The following DYNC1I1 variants were observed in gnomAD, a reference collection of about 807,000 sequenced individuals.
DYNC1I1 encodes dynein cytoplasmic 1 intermediate chain 1, also known as cytoplasmic dynein 1 intermediate chain 1.
In DYNC1I1, 43 loss-of-function variants were observed where a neutral mutation model predicts 86.6. That is an observed-to-expected ratio of 0.50 (90% CI 0.39 to 0.64). DYNC1I1 has a LOEUF of 0.64. Among genes scored for constraint, DYNC1I1 ranks in the 30% least tolerant of loss-of-function variants. The pLI is 0.00. For missense variants in DYNC1I1, 604 were observed against 788.8 expected (o/e 0.77, Z 2.81); for synonymous variants, 262 against 283.7 (o/e 0.92, Z 0.77).
downstream of DYNC1I1, among the ~76,000 whole-genome samples, chr7:96,099,499 A>G (rs1791094687): frequency 6.6e-6 from 1 of 152,210 alleles, no homozygotes; most frequent in Non-Finnish European, 1.5e-5. Flanking sequence ...TGAGTGGCTT[A>G]AGCAACAGAA....
intron 9 of DYNC1I1, among the ~76,000 whole-genome samples, chr7:95,990,642 C>T (rs1793706615): frequency 6.6e-6 from 1 of 152,088 alleles, no homozygotes; most frequent in Admixed American, 6.6e-5. Flanking sequence ...AATTGCCTAA[C>T]TTCTCTTGGC....
At chr7:96,088,454 C>T (rs1790746952) in intron 16 of DYNC1I1, among the ~76,000 whole-genome samples, 1 of 152,110 alleles carries the variant, frequency 6.6e-6, no homozygotes, top group African/African-American at 2.4e-5. Flanking sequence ...AAACTGTCAT[C>T]TTCAATGGCA....
At chr7:95,781,085 T>C (rs1793981162) in intron 1 of DYNC1I1, among the ~76,000 whole-genome samples, 1 of 151,836 alleles carries the variant, frequency 6.6e-6, no homozygotes, top group Non-Finnish European at 1.5e-5. Flanking sequence ...TACAGCTGAT[T>C]TGGAAAGAGG....
At chr7:95,805,428 G>T (rs773325875) in intron 2 of DYNC1I1, among the ~76,000 whole-genome samples, 2 of 152,214 alleles carry the variant, frequency 1.3e-5, no homozygotes, top group Middle Eastern at 3.4e-3. Context: ...TAGAGAGAAG[G>T]TAAATAGGAT....
intron 6 of DYNC1I1, among the ~76,000 whole-genome samples, chr7:95,945,338 A>C (rs1022687450): frequency 6.6e-6 from 1 of 152,112 alleles, no homozygotes; most frequent in African/African-American, 2.4e-5. Context: ...TTTAATAATA[A>C]AGTCTTCTAA....
chr7:96,090,732 T>C (rs1251687549), intron 16 of DYNC1I1, among the ~76,000 whole-genome samples: 3 of 152,210 alleles, frequency 2.0e-5, no homozygotes, highest in Non-Finnish European at 4.4e-5. Context: ...TTTGTACCTA[T>C]TGACTGGTAA....
At chr7:95,935,717 G>A (rs79236758) in intron 6 of DYNC1I1, among the ~76,000 whole-genome samples, 5,709 of 151,938 alleles carry the variant, frequency 0.038, 278 homozygotes, top group African/African-American at 0.12. Flanking sequence ...AGTGGTTAAT[G>A]TCCAAAATAT....
intron 1 of DYNC1I1, among the ~76,000 whole-genome samples, chr7:95,784,550 C>T (rs1794078691): frequency 1.3e-5 from 2 of 152,160 alleles, no homozygotes; most frequent in African/African-American, 4.8e-5. Flanking sequence ...TGCTGCAGAG[C>T]TTGTGGGCTG....
chr7:95,984,815 C>G lies in DYNC1I1; in HGVS notation c.581C>G (p.Ala194Gly). The G allele has an allele frequency of 6.4e-7, 1 of 1,573,382 alleles. No individual in the cohort carries two copies. Among genetic ancestry groups the G allele is most frequent in the Non-Finnish European group, 8.6e-7 (1 of 1,166,694 alleles). Residue 194 changes from alanine to glycine, a missense_variant and splice_region_variant, in exon 8 of 17, where the codon GCC (alanine) becomes GGC (glycine). Coordinates refer to ENST00000447467, the MANE Select transcript of DYNC1I1 (RefSeq NM_001135556.2). ...TTTACAAAAAAATAAATAAATAAAG[C>G]CCCTCCAAGAGAGTTGACAGAGGAA... Reference protein sequence around the residue: ...NQDKKQEVKEAPPRELTEEEK... With the variant: ...NQDKKQEVKEGPPRELTEEEK...
At chr7:95,855,420 C>T (rs896885882) in intron 5 of DYNC1I1, among the ~76,000 whole-genome samples, 1 of 152,138 alleles carries the variant, frequency 6.6e-6, no homozygotes, top group Non-Finnish European at 1.5e-5. Context: ...CTTTGGGTAG[C>T]TTTGTTTGGA....
At chr7:96,025,787 A>C (rs1584259661) in intron 10 of DYNC1I1, among the ~76,000 whole-genome samples, 1 of 148,130 alleles carries the variant, frequency 6.8e-6, no homozygotes, top group Non-Finnish European at 1.5e-5. Context: ...TTATATAAAT[A>C]CCTCCACTGC....
chr7:96,098,212 A>G lies in DYNC1I1; in HGVS notation c.*619A>G. On this transcript the variant is annotated 3_prime_UTR_variant, in exon 17 of 17. Coordinates refer to ENST00000447467, the MANE Select transcript of DYNC1I1 (RefSeq NM_001135556.2). ...AGGTTATATTAAGTTCCACATAGCA[A>G]TTACAGTATGCCAGTTCCACTGAAG... 4.1e-6 allele frequency: 4 copies of G among 985,912 alleles called. No homozygotes were observed. Among genetic ancestry groups the G allele is most frequent in the Non-Finnish European group, 4.8e-6 (4 of 829,952 alleles). 61.1% of individuals were successfully genotyped at this position (985,912 alleles called of 1,614,324 possible).
Position 95,868,584 on chromosome 7 carries a change from G to A in DYNC1I1, c.375-1299G>A, listed in dbSNP as rs188606155. On this transcript the variant is annotated intron_variant, in intron 5 of 16. Coordinates refer to ENST00000447467, the MANE Select transcript of DYNC1I1 (RefSeq NM_001135556.2). ...TTTTTTCTTTTTCTCCCACAGAGAC[G>A]CATGCACTCCATGCCTGGAAATTTT... is the stretch of plus-strand genomic sequence containing the variant. Among the ~76,000 whole-genome samples, 11 of 151,602 alleles carry A rather than the reference G, an allele frequency of 7.3e-5. No individual in the cohort carries two copies. The East Asian group carries it at 1.4e-3, about 19-fold the overall frequency.
chr7:95,816,870 T>G (rs1794958769), intron 4 of DYNC1I1, among the ~76,000 whole-genome samples: 1 of 152,194 alleles, frequency 6.6e-6, no homozygotes, highest in African/African-American at 2.4e-5. Flanking sequence ...TATTCCTATA[T>G]TTTAAAATGT....
chr7:95,951,470 C>G (rs892690005), intron 6 of DYNC1I1, among the ~76,000 whole-genome samples: 1 of 152,046 alleles, frequency 6.6e-6, no homozygotes, highest in Non-Finnish European at 1.5e-5. Flanking sequence ...TTTTTGGGAC[C>G]TGAGAAGGCC....
At position 96,039,806 on chromosome 7, in the gene DYNC1I1, T is replaced by G. The variant is rs76880053; in HGVS notation, c.1509+385T>G. On this transcript the variant is annotated intron_variant, in intron 14 of 16. Transcript: ENST00000447467. ...CTGGAGCTTGGTGGTATCTACTTAC[T>G]TACATATGTACCTATGGAAATATAT... Among the ~76,000 whole-genome samples the G allele has an allele frequency of 8.5e-3, 1,291 of 152,238 alleles. 21 individuals are homozygous for G. Among genetic ancestry groups the G allele is most frequent in the African/African-American group, 0.03 (1,237 of 41,540 alleles).
intron 3 of DYNC1I1, among the ~76,000 whole-genome samples, chr7:95,811,341 C>T (rs1216401771): frequency 2.0e-5 from 3 of 151,992 alleles, no homozygotes; most frequent in African/African-American, 7.2e-5. Flanking sequence ...TGGAAGAATA[C>T]ATAAAAATAA....
downstream of DYNC1I1, among the ~76,000 whole-genome samples, chr7:96,098,611 T>C (rs1269673982): frequency 6.6e-6 from 1 of 152,186 alleles, no homozygotes; most frequent in East Asian, 1.9e-4. Context: ...TGTGTGTGGT[T>C]TTTTTGGAAA....
chr7:96,046,071 G>A (rs1027265254), intron 14 of DYNC1I1, among the ~76,000 whole-genome samples: 1 of 152,168 alleles, frequency 6.6e-6, no homozygotes, highest in Non-Finnish European at 1.5e-5. Flanking sequence ...TGTCAGGGAA[G>A]ACCACATTGA....
Sources: gnomAD v4.1 joint callset for allele counts (sites outside exome capture counted in the v4.1 genomes callset) on GRCh38, gnomAD v4.1.1 for gene constraint, MANE v1.5 for transcripts, NCBI Gene and HGNC (gene_info 2026-07-23, HGNC 2026-07-21) for gene names.